The following IFI16 variants were observed in gnomAD, a reference collection of about 807,000 sequenced individuals.
IFI16 encodes the protein gamma-interferon-inducible protein 16.
Under a neutral mutation model 68.4 loss-of-function variants are expected in IFI16, and 49 were observed. The observed-to-expected ratio is 0.72, with a 90% CI of 0.57 to 0.91. The LOEUF (loss-of-function observed/expected upper bound fraction) is 0.91, where lower values mean the gene tolerates loss of function less well. IFI16 is among the 40% of genes least tolerant of loss of function. The pLI, the probability that IFI16 is intolerant of heterozygous loss-of-function variation, is 0.00. For missense variants in IFI16, 878 were observed against 942.9 expected (o/e 0.93, Z 0.90); for synonymous variants, 307 against 315.0 (o/e 0.97, Z 0.27).
intron 7 of IFI16, among the ~76,000 whole-genome samples, chr1:159,037,177 C>CA (rs1654375138): frequency 6.6e-6 from 1 of 152,174 alleles, no homozygotes; most frequent in Non-Finnish European, 1.5e-5. Flanking sequence ...ATGACAGTTT[C>CA]AAAGTTCCCA....
chr1:159,039,788 T>C (rs1654517215), intron 7 of IFI16, among the ~76,000 whole-genome samples: 2 of 152,198 alleles, frequency 1.3e-5, no homozygotes, highest in African/African-American at 4.8e-5. Flanking sequence ...ACTTCTGGCT[T>C]CAGAAAACCT....
chr1:159,027,232 T>C (rs1469588420), intron 6 of IFI16, among the ~76,000 whole-genome samples: 1 of 152,210 alleles, frequency 6.6e-6, no homozygotes, highest in African/African-American at 2.4e-5. Flanking sequence ...GTTTTAATCA[T>C]AAAGTGATGC....
At chr1:159,017,594 T>C (rs1653011164) in intron 4 of IFI16, among the ~76,000 whole-genome samples, 1 of 103,082 alleles carries the variant, frequency 9.7e-6, no homozygotes, top group African/African-American at 2.7e-5. Flanking sequence ...CTAAAATTTA[T>C]TTATTTATTT....
intron 7 of IFI16, among the ~76,000 whole-genome samples, chr1:159,036,279 GATAA>G (rs765361356): frequency 1.3e-5 from 2 of 152,152 alleles, no homozygotes; most frequent in Non-Finnish European, 2.9e-5. Flanking sequence ...AGACAACCAA[GATAA>G]ATACAGTTTT....
intron 7 of IFI16, among the ~76,000 whole-genome samples, chr1:159,034,061 T>G (rs1654169224): frequency 6.6e-6 from 1 of 152,226 alleles, no homozygotes; most frequent in African/African-American, 2.4e-5. Flanking sequence ...GGTAAGTTCT[T>G]CAATATTTCT....
upstream of IFI16, among the ~76,000 whole-genome samples, chr1:159,003,827 A>AT (rs1334049279): frequency 6.6e-6 from 1 of 151,728 alleles, no homozygotes; most frequent in South Asian, 2.1e-4. Context: ...TGCCCAGCTA[A>AT]TTTTTTGTAT....
chr1:159,020,985 A>C (rs1653277313), intron 6 of IFI16, among the ~76,000 whole-genome samples: 1 of 152,170 alleles, frequency 6.6e-6, no homozygotes, highest in Admixed American at 6.5e-5. Flanking sequence ...CCCACTGACA[A>C]AGTTTTATAC....
chr1:159,043,615 AT>A (rs2101904626), intron 7 of IFI16, among the ~76,000 whole-genome samples: 1 of 152,274 alleles, frequency 6.6e-6, no homozygotes, highest in African/African-American at 2.4e-5. Flanking sequence ...TAGTTTTTCT[AT>A]AATAGAGTTC....
At chr1:159,042,442 C>A (rs1654712025) in intron 7 of IFI16, among the ~76,000 whole-genome samples, 1 of 152,182 alleles carries the variant, frequency 6.6e-6, no homozygotes, top group Non-Finnish European at 1.5e-5. Flanking sequence ...GCGATCCTTT[C>A]TCCTTTGCTC....
At chr1:159,040,075 T>C (rs1158319825) in intron 7 of IFI16, among the ~76,000 whole-genome samples, 2 of 152,146 alleles carry the variant, frequency 1.3e-5, no homozygotes, top group African/African-American at 4.8e-5. Flanking sequence ...ATACAAATAG[T>C]CACAGCAGCA....
intron 7 of IFI16, among the ~76,000 whole-genome samples, chr1:159,037,394 C>G (rs1361319513): frequency 6.6e-6 from 1 of 152,134 alleles, no homozygotes; most frequent in Admixed American, 6.5e-5. Context: ...AGCAGGAAAG[C>G]CTTGTCCTTA....
rs1415772206 is a variant in IFI16 at position 159,014,718 on chromosome 1, G to A, written c.38G>A (p.Gly13Glu). 1 of 1,609,314 alleles carries A rather than the reference G, an allele frequency of 6.2e-7. No individual in the cohort carries two copies. Among genetic ancestry groups the A allele is most frequent in the Non-Finnish European group, 8.5e-7 (1 of 1,176,120 alleles). ...TACAAGAACATTGTTCTACTAAAAG[G>A]ATTAGAGGTCATCAATGATTATCAT... is the stretch of plus-strand genomic sequence containing the variant. The part of the protein sequence containing the change: ...KKYKNIVLLK[G>E]LEVINDYHFR... The change falls in exon 2 of 12, where the codon GGA (glycine) becomes GAA (glutamate). Residue 13 changes from glycine (G) to glutamate (E), a missense_variant. Around this residue, in one of 4 missense-constraint regions of IFI16, gnomAD observed 65 missense variants for 96.9 expected, o/e 0.67. Transcript: ENST00000295809.
At chr1:159,048,490 G>C (rs1427075590) in intron 8 of IFI16, among the ~76,000 whole-genome samples, 1 of 151,402 alleles carries the variant, frequency 6.6e-6, no homozygotes, top group Non-Finnish European at 1.5e-5. Context: ...ATCCACAGTA[G>C]GTGTGCAAAT....
chr1:159,003,452 C>T (rs1158874190), upstream of IFI16, among the ~76,000 whole-genome samples: 3 of 152,078 alleles, frequency 2.0e-5, no homozygotes, highest in African/African-American at 7.2e-5. Context: ...TTCCAAATTC[C>T]TAAAGGAGCT....
At chr1:159,007,292 G>A (rs908883179), upstream of IFI16, among the ~76,000 whole-genome samples, 5 of 152,224 alleles carry the variant, frequency 3.3e-5, no homozygotes, top group Non-Finnish European at 7.3e-5. Context: ...CAGGAAGCAT[G>A]AGAACCCAAA....
chr1:159,040,953 T>G (rs1386477351), intron 7 of IFI16, among the ~76,000 whole-genome samples: 2 of 152,180 alleles, frequency 1.3e-5, no homozygotes, highest in Non-Finnish European at 2.9e-5. Flanking sequence ...ACACTAACAT[T>G]TCAGAATAGA....
In IFI16 at chr1:159,032,655, G is replaced by A; in HGVS notation, c.1293G>A (p.Met431Ile). ...FPESHLRTPQ[M>I]PPTTPSSSFF... ...AGAGCCATCTTCGGACTCCTCAGAT[G>A]CCACCAACAACTCCATCCAGCAGTT... is the stretch of plus-strand genomic sequence containing the variant. The change falls in exon 7 of 12, where the codon ATG (methionine) becomes ATA (isoleucine). Residue 431 changes from methionine (M) to isoleucine (I), a missense_variant. Physicochemically the swap from Met to Ile is conservative, Grantham distance 10. Coordinates refer to ENST00000295809, the MANE Select transcript of IFI16 (RefSeq NM_001376587.1). The A allele has an allele frequency of 6.2e-7, 1 of 1,606,784 alleles. No homozygotes were observed. Among genetic ancestry groups the A allele is most frequent in the Non-Finnish European group, 8.5e-7 (1 of 1,177,454 alleles).
chr1:159,052,718 G>C (rs544155436), intron 10 of IFI16: 1 of 151,476 alleles, frequency 6.6e-6, no homozygotes, highest in South Asian at 2.1e-4. Flanking sequence ...AAAAAGTCAC[G>C]TAGCTTAACT....
intron 10 of IFI16, chr1:159,052,556 TTA>T (rs1201006748): frequency 2.8e-4 from 44 of 158,468 alleles, no homozygotes; most frequent in African/African-American, 1.0e-3. Flanking sequence ...CTACTCTGCT[TTA>T]GAATGCAGCT....
Sources: gnomAD v4.1 joint callset for allele counts (sites outside exome capture counted in the v4.1 genomes callset) on GRCh38, gnomAD v4.1.1 for gene constraint, gnomAD v4.1.1 regional missense constraint, MANE v1.5 for transcripts, NCBI Gene and HGNC (gene_info 2026-07-23, HGNC 2026-07-21) for gene names.